Variants in FRYL observed in about 807,000 individuals in gnomAD.
FRYL encodes FRY like transcription coactivator.
A neutral mutation model predicts 351.2 loss-of-function variants in FRYL; 150 were observed. The observed-to-expected ratio is 0.43, with a 90% CI of 0.37 to 0.49. The LOEUF is 0.49. FRYL is among the 20% of genes least tolerant of loss of function. The pLI is 0.00. For synonymous variants in FRYL, 1,153 were observed against 1,257.1 expected, an observed-to-expected ratio of 0.92 and a Z score of 1.75; for missense variants, 3,036 against 3,619.3, an observed-to-expected ratio of 0.84 and a Z score of 4.13.
chr4:48,659,918 GAGAAGAAGAAGAAGA>G (rs1249228163), intron 3 of FRYL, among the ~76,000 whole-genome samples: 3 of 794 alleles, frequency 3.8e-3, no homozygotes, highest in African/African-American at 6.1e-3. Flanking sequence ...GAAGGAGAAG[GAGAAGAAGAAGAAGA>G]AGAAGAAGAA....
intron 24 of FRYL, 77 bp from the exon 25 acceptor site, chr4:48,575,318 C>A: frequency 6.8e-7 from 1 of 1,461,644 alleles, no homozygotes; most frequent in South Asian, 1.2e-5. Flanking sequence ...TTTCAGTAGT[C>A]TTATGTCAAG....
At chr4:48,521,024 G>T in intron 55 of FRYL, 24 bp downstream of exon 55, 1 of 1,580,686 alleles carries the variant, frequency 6.3e-7, no homozygotes, top group African/African-American at 1.3e-5. Flanking sequence ...GATTGGCCAT[G>T]CACCAGCCTC....
At chr4:48,641,208 T>C (rs1270676781) in intron 3 of FRYL, among the ~76,000 whole-genome samples, 3 of 152,100 alleles carry the variant, frequency 2.0e-5, no homozygotes, top group Non-Finnish European at 4.4e-5. Context: ...ATGTGTATGC[T>C]GTGTGTGTTG....
Position 48,540,751 on chromosome 4 carries a change from C to A in FRYL, c.5897G>T (p.Arg1966Leu). 2 of 1,613,946 alleles carry A rather than the reference C, an allele frequency of 1.2e-6. No homozygotes were observed. Among genetic ancestry groups the A allele is most frequent in the Non-Finnish European group, 1.7e-6 (2 of 1,179,890 alleles). ...TGCTAAACTACTGCTATGGTTTATCCGTCCATCCATTATATCCAGTGTGTT... is the reference window on the plus strand; with the variant it reads ...TGCTAAACTACTGCTATGGTTTATCAGTCCATCCATTATATCCAGTGTGTT... ...RSNTLDIMDGRINHSSSLART... is the reference protein window; with the variant it reads ...RSNTLDIMDGLINHSSSLART... Residue 1966 changes from arginine to leucine, a missense_variant, in exon 46 of 64, where the codon CGG becomes CTG. By Grantham distance (102) the Arg-to-Leu change is moderately radical. This residue lies in a region of FRYL where 1,987 missense variants were observed against 2,311.7 expected (regional missense o/e 0.86). Coordinates refer to ENST00000358350, the MANE Select transcript of FRYL (RefSeq NM_015030.2).
intron 2 of FRYL, among the ~76,000 whole-genome samples, chr4:48,686,743 G>A (rs1240703778): frequency 1.3e-5 from 2 of 152,194 alleles, no homozygotes; most frequent in East Asian, 1.9e-4. Context: ...GCAGTCTTGC[G>A]CTCAGACATA....
At chr4:48,514,663 T>A (rs1366469120) in intron 56 of FRYL, among the ~76,000 whole-genome samples, 1 of 152,264 alleles carries the variant, frequency 6.6e-6, no homozygotes, top group African/African-American at 2.4e-5. Flanking sequence ...TATTTTAGAT[T>A]CAAATTGTGG....
chr4:48,721,354 AT>A (rs111383761), intron 1 of FRYL, among the ~76,000 whole-genome samples: 1,434 of 142,540 alleles, frequency 0.01, 11 homozygotes, highest in African/African-American at 0.023. Flanking sequence ...CTATATGTAG[AT>A]TTTTTTTTTT....
chr4:48,687,575 G>GT, intron 2 of FRYL, among the ~76,000 whole-genome samples: 1 of 151,886 alleles, frequency 6.6e-6, no homozygotes, highest in Admixed American at 6.6e-5. Context: ...CTGAATGGGT[G>GT]TTCAAATAAC....
chr4:48,680,070 A>G (rs1478893640), intron 3 of FRYL, among the ~76,000 whole-genome samples: 2 of 152,038 alleles, frequency 1.3e-5, no homozygotes, highest in South Asian at 2.1e-4. Context: ...GACTTGGACA[A>G]TAAGTCTCAT....
Position 48,606,521 on chromosome 4 carries a change from T to C in FRYL, c.658A>G (p.Ile220Val). The C allele has an allele frequency of 6.2e-7, 1 of 1,613,360 alleles. No individual in the cohort carries two copies. Among genetic ancestry groups the C allele is most frequent in the Non-Finnish European group, 8.5e-7 (1 of 1,179,392 alleles). ...EQSPHVVQSV[I>V]SLIMGMKFFR... The stretch of plus-strand genomic sequence containing the variant: ...AATTTCATTCCCATTATTAAGCTGA[T>C]GACACTTTGTACCACATGTGGGCTT... Residue 220 changes from isoleucine to valine, a missense_variant, in exon 10 of 64, where the codon ATC becomes GTC. By Grantham distance (29) the Ile-to-Val change is conservative. Coordinates refer to ENST00000358350, the MANE Select transcript of FRYL (RefSeq NM_015030.2).
chr4:48,646,494 G>A (rs907229719), intron 3 of FRYL, among the ~76,000 whole-genome samples: 5 of 152,326 alleles, frequency 3.3e-5, no homozygotes, highest in African/African-American at 1.2e-4. Flanking sequence ...GCAATGTCCT[G>A]TGGTATCACA....
chr4:48,514,297 CATA>C (rs1471221365), intron 56 of FRYL, among the ~76,000 whole-genome samples: 1 of 152,022 alleles, frequency 6.6e-6, no homozygotes, highest in Non-Finnish European at 1.5e-5. Flanking sequence ...TTATAAAAAA[CATA>C]ATATTGAACC....
At chr4:48,711,347 G>A (rs1224102175) in intron 1 of FRYL, among the ~76,000 whole-genome samples, 1 of 152,242 alleles carries the variant, frequency 6.6e-6, no homozygotes. Flanking sequence ...TGGAAAATCA[G>A]GTCACTCCCA....
chr4:48,499,351 C>G lies in FRYL; in HGVS notation c.*71G>C, dbSNP rs1719038646. 7.5e-7 allele frequency: 1 copy of G among 1,335,638 alleles called. No individual in the cohort carries two copies. Among genetic ancestry groups the G allele is most frequent in the Non-Finnish European group, 1.1e-6 (1 of 938,730 alleles). 82.7% of individuals were successfully genotyped at this position (1,335,638 alleles called of 1,614,324 possible). Reference sequence around the variant, plus strand: ...GAAAGTTATCAGTGAATGCAAGGGTCCATAAAAGGTGCTTGGTTAATATTC... The same window carrying G: ...GAAAGTTATCAGTGAATGCAAGGGTGCATAAAAGGTGCTTGGTTAATATTC... On this transcript the variant is annotated 3_prime_UTR_variant, in exon 64 of 64. Transcript: ENST00000358350.
At chr4:48,541,788 T>G (rs1419749125) in intron 45 of FRYL, among the ~76,000 whole-genome samples, 1 of 152,100 alleles carries the variant, frequency 6.6e-6, no homozygotes, top group Non-Finnish European at 1.5e-5. Context: ...GTGGCAGGAA[T>G]GAAGTGGTGC....
At chr4:48,717,320 A>C (rs1273842847) in intron 1 of FRYL, among the ~76,000 whole-genome samples, 3 of 151,696 alleles carry the variant, frequency 2.0e-5, no homozygotes, top group Middle Eastern at 6.8e-3. Context: ...GAAGCCACTC[A>C]CAAAAGGCCA....
chr4:48,499,315 A>AGAT lies in FRYL; in HGVS notation c.*104_*106dup. 1.1e-6 allele frequency: 1 copy of AGAT among 927,068 alleles called. No homozygotes were observed. The highest frequency in any genetic ancestry group is 1.7e-6 in the Non-Finnish European group (1 of 597,776). 57.4% of individuals were successfully genotyped at this position (927,068 alleles called of 1,614,324 possible). A position where few individuals can be genotyped will look rare whatever the true frequency, so the allele number is the denominator to read the frequency against. On this transcript the variant is annotated 3_prime_UTR_variant, in exon 64 of 64. Transcript: ENST00000358350. ...TTTGACATTAGTTACACTAAAAAGT[A>AGAT]GATGCTGCCAGAAAGTTATCAGTGA... is the stretch of plus-strand genomic sequence containing the variant.
chr4:48,740,412 A>G lies in FRYL; in HGVS notation c.-383-29714T>C, dbSNP rs147015398. On this transcript the variant is annotated intron_variant, in intron 1 of 63. Transcript: ENST00000358350. Reference sequence around the variant, plus strand: ...CAGGTTTAAGTGATTCTCCTGCCTCAGCCTCCTGAGTAGTTGGGACTACAG... The same window carrying G: ...CAGGTTTAAGTGATTCTCCTGCCTCGGCCTCCTGAGTAGTTGGGACTACAG... Among the ~76,000 whole-genome samples, 410 of 148,694 alleles carry G rather than the reference A, an allele frequency of 2.8e-3. 9 individuals are homozygous for G. In the East Asian group the frequency reaches 0.067, roughly 24 times the overall value.
intron 1 of FRYL, among the ~76,000 whole-genome samples, chr4:48,767,733 C>T (rs1169093728): frequency 2.0e-5 from 3 of 152,148 alleles, no homozygotes; most frequent in African/African-American, 7.2e-5. Flanking sequence ...GTTCTGAAAA[C>T]CTAATGTACA....
Sources: allele counts gnomAD v4.1 joint callset (sites outside exome capture counted in the v4.1 genomes callset), GRCh38; gene constraint gnomAD v4.1.1; regional missense constraint gnomAD v4.1.1; transcripts MANE v1.5; gene names NCBI Gene and HGNC (gene_info 2026-07-23, HGNC 2026-07-21).